Variants in AMBP observed in about 807,000 individuals in gnomAD.
AMBP encodes alpha-1-microglobulin/bikunin precursor.
A neutral mutation model predicts 46.3 loss-of-function variants in AMBP; 37 were observed. The ratio of observed to expected loss-of-function variants is 0.80; its 90% CI spans 0.61 to 1.05. AMBP has a LOEUF of 1.05. Ranked by LOEUF, AMBP falls within the 50% of genes least tolerant of loss-of-function variation. The pLI is 0.00. For synonymous variants in AMBP, 174 were observed against 175.9 expected, an observed-to-expected ratio of 0.99 and a Z score of 0.09; for missense variants, 475 against 461.2, an observed-to-expected ratio of 1.03 and a Z score of -0.27.
chr9:114,062,730 T>C lies in AMBP; in HGVS notation c.632A>G (p.Glu211Gly). The change falls in exon 7 of 10, where the codon GAA (glutamate) becomes GGA (glycine). Residue 211 changes from glutamate (E) to glycine (G), a missense_variant. Glu to Gly is a moderately conservative substitution (Grantham distance 98). This residue lies in a region of AMBP where 293 missense variants were observed against 276.9 expected (regional missense o/e 1.06). Coordinates refer to ENST00000265132, the MANE Select transcript of AMBP (RefSeq NM_001633.4). ...TTGCCCACCCCCTGATCCTTCCTCT[T>C]CTTGGGGTAGCACAGCCCTCCGGAC... is the stretch of plus-strand genomic sequence containing the variant. ...PRVRRAVLPQ[E>G]EEGSGGGQLV... The C allele has an allele frequency of 6.2e-7, 1 of 1,614,048 alleles. No homozygotes were observed. Among genetic ancestry groups the C allele is most frequent in the East Asian group, 2.2e-5 (1 of 44,868 alleles).
chr9:114,060,716 C>A (rs1442493097), intron 9 of AMBP, among the ~76,000 whole-genome samples: 2 of 152,192 alleles, frequency 1.3e-5, no homozygotes, highest in African/African-American at 4.8e-5. Context: ...CCTGCATACC[C>A]TCTGCCAGTG....
chr9:114,070,841 T>A lies in AMBP; in HGVS notation c.557-1096A>T, dbSNP rs148297367. 4.9e-3 allele frequency among the ~76,000 whole-genome samples: 748 copies of A among 151,486 alleles called. 9 individuals carry two copies. Among genetic ancestry groups the A allele is most frequent in the African/African-American group, 0.017 (721 of 41,246 alleles). On this transcript the variant is annotated intron_variant, in intron 5 of 9. Coordinates refer to ENST00000265132, the MANE Select transcript of AMBP (RefSeq NM_001633.4). ...CCCCAGGGTCCACCCCACATTGGGG[T>A]GACTGTCAAGCCTGATACTCTGGAT...
Position 114,061,425 on chromosome 9 carries a change from C to T in AMBP, c.852G>A (p.Val284=), listed in dbSNP as rs1846637023. 4 of 1,614,132 alleles carry T rather than the reference C, an allele frequency of 2.5e-6. No homozygotes were observed. Among genetic ancestry groups the T allele is most frequent in the Non-Finnish European group, 3.4e-6 (4 of 1,180,020 alleles). Residue 284 remains valine, a splice_region_variant and synonymous_variant, in exon 8 of 10, where the codon GTG becomes GTA. Coordinates refer to ENST00000265132, the MANE Select transcript of AMBP (RefSeq NM_001633.4). ...ACAGGGGTGGGGACCCGCACTCACCCACAGTTCGGCAGGTCTGCAGACACT... is the reference window on the plus strand; with the variant it reads ...ACAGGGGTGGGGACCCGCACTCACCTACAGTTCGGCAGGTCTGCAGACACT... ...EKECLQTCRT[V]AACNLPIVRG...
chr9:114,078,271 C>CG lies in AMBP; in HGVS notation c.-63dup. 1 of 1,491,408 alleles carries CG rather than the reference C, an allele frequency of 6.7e-7. No homozygotes were observed. The highest frequency in any genetic ancestry group is 9.3e-7 in the Non-Finnish European group (1 of 1,080,914). The allele number at this position is 1,491,408 out of a possible 1,614,324, so 92.4% of individuals were successfully genotyped here. A position where few individuals can be genotyped will look rare whatever the true frequency, so the allele number is the denominator to read the frequency against. On this transcript the variant is annotated 5_prime_UTR_variant, in exon 1 of 10. Coordinates refer to ENST00000265132, the MANE Select transcript of AMBP (RefSeq NM_001633.4). ...CTCGGTCTAGCAACAGAAGGGCCAC[C>CG]GCCTCCCTGCAACAGGGCAGCTGTG...
chr9:114,076,348 A>G (rs1220146782), intron 2 of AMBP, among the ~76,000 whole-genome samples: 2 of 152,032 alleles, frequency 1.3e-5, no homozygotes, highest in African/African-American at 2.4e-5. Context: ...AAGTACCCAC[A>G]CTGGGCTAAG....
At chr9:114,072,700 A>G (rs1283905515) in intron 5 of AMBP, among the ~76,000 whole-genome samples, 1 of 152,240 alleles carries the variant, frequency 6.6e-6, no homozygotes, top group Non-Finnish European at 1.5e-5. Flanking sequence ...CCTGAGACAC[A>G]TGGCAGTAGA....
At chr9:114,066,211 G>T (rs910717499) in intron 6 of AMBP, among the ~76,000 whole-genome samples, 4 of 152,210 alleles carry the variant, frequency 2.6e-5, no homozygotes, top group African/African-American at 9.6e-5. Context: ...CAGCTGGACT[G>T]CTTCCTCTGC....
At chr9:114,064,611 A>G (rs1246549984) in intron 6 of AMBP, among the ~76,000 whole-genome samples, 1 of 152,136 alleles carries the variant, frequency 6.6e-6, no homozygotes, top group Non-Finnish European at 1.5e-5. Flanking sequence ...GGATTAAAAG[A>G]GCAGATTGAA....
intron 9 of AMBP, among the ~76,000 whole-genome samples, 190 bp from the exon 10 acceptor site, chr9:114,060,460 C>G (rs1456601067): frequency 1.3e-5 from 2 of 152,076 alleles, no homozygotes; most frequent in Non-Finnish European, 2.9e-5. Flanking sequence ...GTGGGAAAAT[C>G]AAGGCACAGA....
At chr9:114,070,221 C>G (rs1003964693) in intron 5 of AMBP, among the ~76,000 whole-genome samples, 1 of 152,164 alleles carries the variant, frequency 6.6e-6, no homozygotes, top group Non-Finnish European at 1.5e-5. Flanking sequence ...CCGGAGTGGC[C>G]GCGGCCATCA....
rs73560310 is a variant in AMBP, at chr9:114,067,687, G to A, written c.603+2012C>T. Among the ~76,000 whole-genome samples, 1,471 of 152,202 alleles carry A rather than the reference G, an allele frequency of 9.7e-3. 27 individuals are homozygous for A. The highest frequency in any genetic ancestry group is 0.033 in the African/African-American group (1,354 of 41,492). ...CCTACAAAGAGAAGAAATATCACAC[G>A]GGTCTCGGGCTTTTTCATAGCAATA... On this transcript the variant is annotated intron_variant, in intron 6 of 9. Coordinates refer to ENST00000265132, the MANE Select transcript of AMBP (RefSeq NM_001633.4).
chr9:114,067,806 A>G (rs542346784), intron 6 of AMBP, among the ~76,000 whole-genome samples: 2 of 152,180 alleles, frequency 1.3e-5, no homozygotes, highest in South Asian at 4.1e-4. Flanking sequence ...AATGGCATCA[A>G]ATATGAAGGA....
In AMBP at chr9:114,060,993, C is replaced by A; in HGVS notation, c.959G>T (p.Cys320Phe). The change falls in exon 9 of 10, where the codon TGC (cysteine) becomes TTC (phenylalanine). Residue 320 changes from cysteine (C) to phenylalanine (F), a missense_variant. By Grantham distance (205) the Cys-to-Phe change is radical. Transcript: ENST00000265132. Reference sequence around the variant, plus strand: ...GTAGAACTTGTTCCCGTTGCCCTGGCAGCCCCCGTAGGGGAAGAGGACGCA... The same window carrying A: ...GTAGAACTTGTTCCCGTTGCCCTGGAAGCCCCCGTAGGGGAAGAGGACGCA... ...GKCVLFPYGG[C>F]QGNGNKFYSE... 1 of 1,614,260 alleles carries A rather than the reference C, an allele frequency of 6.2e-7. No homozygotes were observed. The highest frequency in any genetic ancestry group is 8.5e-7 in the Non-Finnish European group (1 of 1,180,044).
intron 7 of AMBP, among the ~76,000 whole-genome samples, chr9:114,061,945 C>T (rs564990628): frequency 6.6e-6 from 1 of 152,144 alleles, no homozygotes; most frequent in Non-Finnish European, 1.5e-5. Context: ...ACCTTTTCAC[C>T]AAGTCCCACC....
rs1033099779 is a variant in AMBP at position 114,060,392 on chromosome 9, C to G, written c.1028-122G>C. ...GAATCATTTATCTCCAAAGGGTATT[C>G]CATGAAATGATCAGATTTTTTTTTC... On this transcript the variant is annotated intron_variant, in intron 9 of 9. Transcript: ENST00000265132. The G allele has an allele frequency of 9.4e-6, 10 of 1,064,788 alleles. No individual in the cohort carries two copies. The East Asian group carries it at 2.1e-4, about 23-fold the overall frequency. The allele number at this position is 1,064,788 out of a possible 1,614,324, so 66.0% of individuals were successfully genotyped here.
chr9:114,076,557 C>T (rs778480840), intron 2 of AMBP, 41 bp downstream of exon 2: 31 of 1,604,664 alleles, frequency 1.9e-5, no homozygotes, highest in African/African-American at 2.7e-5. Context: ...TTGTGGGTCT[C>T]TGGGTCTCTC....
rs916865339 is a variant in AMBP, at chr9:114,071,699, G to A, written c.556+1226C>T. On this transcript the variant is annotated intron_variant, in intron 5 of 9. Transcript: ENST00000265132. ...CATGGGCCAGTCAGTACAAACTTGC[G>A]TACAGAGCACCCATAAAAACCCCAG... Among the ~76,000 whole-genome samples, 7 of 152,218 alleles carry A rather than the reference G, an allele frequency of 4.6e-5. No individual in the cohort carries two copies. In the South Asian group the frequency reaches 8.3e-4, roughly 18 times the overall value.
chr9:114,060,405 A>G (rs143024407), intron 9 of AMBP, 135 bp from the exon 10 acceptor site: 2 of 996,078 alleles, frequency 2.0e-6, no homozygotes, highest in Non-Finnish European at 2.9e-6. Context: ...TGAAATGATC[A>G]GATTTTTTTT....
intron 9 of AMBP, 59 bp downstream of exon 9, chr9:114,060,866 C>T: frequency 1.3e-6 from 2 of 1,566,512 alleles, no homozygotes; most frequent in Non-Finnish European, 1.7e-6. Flanking sequence ...TCCCAGGGCT[C>T]TCCCACCTCG....
Sources: allele counts gnomAD v4.1 joint callset (sites outside exome capture counted in the v4.1 genomes callset), GRCh38; gene constraint gnomAD v4.1.1; regional missense constraint gnomAD v4.1.1; transcripts MANE v1.5; gene names NCBI Gene and HGNC (gene_info 2026-07-23, HGNC 2026-07-21).